PELI1: variants seen among roughly 807,000 people sequenced by gnomAD.
PELI1 encodes the protein E3 ubiquitin-protein ligase pellino homolog 1.
A neutral mutation model predicts 41.3 loss-of-function variants in PELI1; 15 were observed. The observed-to-expected ratio is 0.36, with a 90% CI of 0.24 to 0.56. The LOEUF is 0.56. Ranked by LOEUF, PELI1 falls within the 20% of genes least tolerant of loss-of-function variation. The pLI, the probability that PELI1 is intolerant of heterozygous loss-of-function variation, is 0.82. For synonymous variants in PELI1, 178 were observed against 180.1 expected, an observed-to-expected ratio of 0.99 and a Z score of 0.09; for missense variants, 403 against 525.5, an observed-to-expected ratio of 0.77 and a Z score of 2.28.
Position 64,107,602 on chromosome 2 carries a change from C to T in PELI1, c.71+638G>A, listed in dbSNP as rs750814298. On this transcript the variant is annotated intron_variant, in intron 2 of 6. Coordinates refer to ENST00000358912, the MANE Select transcript of PELI1 (RefSeq NM_020651.4). ...AGGGAAAGGGAATTTTTGGTAAAGTCAGCTGAGGCAAAACATGGGATAGGG... is the reference window on the plus strand; with the variant it reads ...AGGGAAAGGGAATTTTTGGTAAAGTTAGCTGAGGCAAAACATGGGATAGGG... Among the ~76,000 whole-genome samples, 78 of 151,936 alleles carry T rather than the reference C, an allele frequency of 5.1e-4. 2 individuals are homozygous for T. Among genetic ancestry groups the T allele is most frequent in the Admixed American group, 2.0e-4 (3 of 15,260 alleles).
chr2:64,104,643 A>G, intron 3 of PELI1, 58 bp downstream of exon 3: 1 of 1,520,912 alleles, frequency 6.6e-7, no homozygotes. Context: ...CAAACAACAC[A>G]TAAAAGTCTT....
chr2:64,103,827 G>A (rs990428352), intron 3 of PELI1, among the ~76,000 whole-genome samples: 7 of 152,114 alleles, frequency 4.6e-5, no homozygotes, highest in Admixed American at 4.6e-4. Flanking sequence ...ACATCCTAGG[G>A]CTACTTAGCT....
intron 1 of PELI1, among the ~76,000 whole-genome samples, chr2:64,141,273 T>G (rs932966859): frequency 2.0e-5 from 3 of 151,696 alleles, no homozygotes; most frequent in Admixed American, 2.0e-4. Context: ...CTCAAAGACA[T>G]AAATGTAACT....
intron 1 of PELI1, among the ~76,000 whole-genome samples, chr2:64,134,981 G>GA (rs1343591378): frequency 6.6e-6 from 1 of 152,144 alleles, no homozygotes; most frequent in Non-Finnish European, 1.5e-5. Flanking sequence ...GTGGAAGGAA[G>GA]AAGTTATAAC....
Position 64,134,270 on chromosome 2 carries a change from G to T in PELI1, c.-70+9811C>A, listed in dbSNP as rs1004700802. On this transcript the variant is annotated intron_variant, in intron 1 of 6. Coordinates refer to ENST00000358912, the MANE Select transcript of PELI1 (RefSeq NM_020651.4). ...TTTCTAAAAGAGACACAACCAAAAG[G>T]CTTTAGCAAAATCTGATCTTCTTTT... 2.0e-5 allele frequency among the ~76,000 whole-genome samples: 3 copies of T among 152,220 alleles called. No individual in the cohort carries two copies. In the South Asian group the frequency reaches 6.2e-4, roughly 32 times the overall value.
intron 3 of PELI1, among the ~76,000 whole-genome samples, chr2:64,103,590 A>G (rs771002767): frequency 3.6e-4 from 55 of 152,226 alleles, no homozygotes; most frequent in Admixed American, 2.4e-3. Context: ...AGGAGCAAAA[A>G]GAAACTGTCC....
At chr2:64,098,903 T>C (rs1389185105) in intron 4 of PELI1, among the ~76,000 whole-genome samples, 1 of 152,174 alleles carries the variant, frequency 6.6e-6, no homozygotes, top group Non-Finnish European at 1.5e-5. Flanking sequence ...CAGTTTATGA[T>C]ACTGGGGAAA....
At chr2:64,116,904 AC>A (rs1173901012) in intron 1 of PELI1, among the ~76,000 whole-genome samples, 2 of 152,136 alleles carry the variant, frequency 1.3e-5, no homozygotes, top group Admixed American at 6.5e-5. Flanking sequence ...AATATTTCAA[AC>A]TTTTTTCATT....
chr2:64,110,820 G>C, intron 1 of PELI1, among the ~76,000 whole-genome samples: 1 of 151,968 alleles, frequency 6.6e-6, no homozygotes, highest in East Asian at 1.9e-4. Context: ...CTAGCTACTC[G>C]GGAGGCTGAG....
At chr2:64,096,060 C>A in intron 6 of PELI1, 65 bp downstream of exon 6, 1 of 1,068,410 alleles carries the variant, frequency 9.4e-7, no homozygotes, top group Non-Finnish European at 1.4e-6. Flanking sequence ...GTATGTAATG[C>A]ATTCAGTTCT....
At chr2:64,132,604 A>T (rs1031936178) in intron 1 of PELI1, among the ~76,000 whole-genome samples, 1 of 152,340 alleles carries the variant, frequency 6.6e-6, no homozygotes, top group South Asian at 2.1e-4. Flanking sequence ...TGTCAAGTTC[A>T]TTCTGGAAAG....
intron 3 of PELI1, among the ~76,000 whole-genome samples, chr2:64,102,865 C>T (rs1464873432): frequency 7.5e-6 from 1 of 132,852 alleles, no homozygotes; most frequent in Non-Finnish European, 1.6e-5. Flanking sequence ...TAAACTGAGA[C>T]AGGGTCTCAC....
At chr2:64,118,894 T>A (rs1681107328) in intron 1 of PELI1, among the ~76,000 whole-genome samples, 1 of 152,138 alleles carries the variant, frequency 6.6e-6, no homozygotes, top group African/African-American at 2.4e-5. Context: ...AGCATCACCA[T>A]TCTGGCTACG....
At position 64,094,974 on chromosome 2, in the gene PELI1, T is replaced by C. The variant is rs1277572484; in HGVS notation, c.985A>G (p.Lys329Glu). 1.2e-6 allele frequency: 2 copies of C among 1,614,106 alleles called. No individual in the cohort carries two copies. Among genetic ancestry groups the C allele is most frequent in the Non-Finnish European group, 1.7e-6 (2 of 1,180,044 alleles). The change falls in exon 7 of 7, where the codon AAA becomes GAA. Residue 329 changes from lysine to glutamate, a missense_variant. Physicochemically the swap from Lys to Glu is moderately conservative, Grantham distance 56. Transcript: ENST00000358912. ...NWGNKEERDG[K>E]DRECPMCRSV... Reference sequence around the variant, plus strand: ...CTACACATAGGACATTCACGATCTTTTCCATCACGTTCTTCTTTGTTTCCC... The same window carrying C: ...CTACACATAGGACATTCACGATCTTCTCCATCACGTTCTTCTTTGTTTCCC...
chr2:64,094,141 G>GA lies in PELI1; in HGVS notation c.*560dup, dbSNP rs1486223527. 6 of 152,600 alleles carry GA rather than the reference G, an allele frequency of 3.9e-5. No homozygotes were observed. Among genetic ancestry groups the GA allele is most frequent in the Non-Finnish European group, 5.9e-5 (4 of 68,066 alleles). 9.5% of individuals were successfully genotyped at this position (152,600 alleles called of 1,614,324 possible). On this transcript the variant is annotated 3_prime_UTR_variant, in exon 7 of 7. Transcript: ENST00000358912. ...AATTCCATATTTAGATTGGGGTGGG[G>GA]AGAGAGGCTCTCTCGTCCTTCTTCC... is the stretch of plus-strand genomic sequence containing the variant.
In PELI1 at chr2:64,135,672, T is replaced by A. The variant is rs556400539; in HGVS notation, c.-70+8409A>T. On this transcript the variant is annotated intron_variant, in intron 1 of 6. Coordinates refer to ENST00000358912, the MANE Select transcript of PELI1 (RefSeq NM_020651.4). ...ATGCACAAGCTGAGAAGAATAACCT[T>A]GAACCTGTTGCTGTAAAAATCTACA... Among the ~76,000 whole-genome samples, 20 of 152,322 alleles carry A rather than the reference T, an allele frequency of 1.3e-4. No homozygotes were observed. The South Asian group carries it at 3.9e-3, about 30-fold the overall frequency.
chr2:64,143,766 G>A (rs1235579777), intron 1 of PELI1, among the ~76,000 whole-genome samples: 1 of 152,028 alleles, frequency 6.6e-6, no homozygotes, highest in South Asian at 2.1e-4. Context: ...GCCACCCGCA[G>A]AGCTCCCCTC....
chr2:64,093,223 A>T lies in PELI1; in HGVS notation c.*1479T>A, dbSNP rs1680111905. 6.5e-6 allele frequency: 1 copy of T among 152,682 alleles called. No individual in the cohort carries two copies. Among genetic ancestry groups the T allele is most frequent in the Admixed American group, 6.5e-5 (1 of 15,290 alleles). The allele number at this position is 152,682 out of a possible 1,614,324, so 9.5% of individuals were successfully genotyped here. A position where few individuals can be genotyped will look rare whatever the true frequency, so the allele number is the denominator to read the frequency against. On this transcript the variant is annotated 3_prime_UTR_variant, in exon 7 of 7. Transcript: ENST00000358912. ...GTTTTGTTTTTTAAAAACCAAAAGAAAATTCAGAACAGTTTTGTAATAGGA... is the reference window on the plus strand; with the variant it reads ...GTTTTGTTTTTTAAAAACCAAAAGATAATTCAGAACAGTTTTGTAATAGGA...
At chr2:64,136,921 T>C (rs1681736325) in intron 1 of PELI1, among the ~76,000 whole-genome samples, 1 of 152,004 alleles carries the variant, frequency 6.6e-6, no homozygotes, top group Non-Finnish European at 1.5e-5. Flanking sequence ...ACAAAACAAA[T>C]GAAAACGTTG....
Sources: gnomAD v4.1 joint callset for allele counts (sites outside exome capture counted in the v4.1 genomes callset) on GRCh38, gnomAD v4.1.1 for gene constraint, MANE v1.5 for transcripts, NCBI Gene and HGNC (gene_info 2026-07-23, HGNC 2026-07-21) for gene names.